TENM1: variants seen among roughly 807,000 people sequenced by gnomAD.
TENM1 encodes the protein teneurin transmembrane protein 1.
In TENM1, 35 loss-of-function variants were observed where a neutral mutation model predicts 174.8. That is an observed-to-expected ratio of 0.20 (90% CI 0.15 to 0.27). The LOEUF is 0.27. Among genes scored for constraint, TENM1 ranks in the 10% least tolerant of loss-of-function variants. The probability of loss-of-function intolerance (pLI) is 1.00; values close to 1 mark genes in which losing one functional copy is unlikely to be tolerated. For synonymous variants in TENM1, 781 were observed against 798.7 expected, an observed-to-expected ratio of 0.98 and a Z score of 0.37; for missense variants, 1,633 against 2,130.1, an observed-to-expected ratio of 0.77 and a Z score of 4.59.
At chrX:124,990,190 C>T in the TENM1 span, among the ~76,000 whole-genome samples, 108 of 110,223 alleles carry the variant, frequency 9.8e-4, no homozygotes, top group Non-Finnish European at 1.5e-3. Context: ...TTTTTTTTTC[C>T]TCTCCTGAGA....
intron 1 of TENM1, among the ~76,000 whole-genome samples, chrX:124,957,831 T>C (rs781684859): frequency 3.6e-5 from 4 of 111,809 alleles, no homozygotes; most frequent in East Asian, 2.8e-4. Context: ...TACCTCCTTT[T>C]TATGCATGGA....
intron 3 of TENM1, among the ~76,000 whole-genome samples, chrX:124,885,882 ACATT>A (rs2057376361): frequency 9.0e-6 from 1 of 111,544 alleles, no homozygotes; most frequent in South Asian, 3.8e-4. Context: ...TCAACTGCAC[ACATT>A]CAAATTGTGA....
At chrX:124,588,405 A>G (rs1193972652) in intron 11 of TENM1, among the ~76,000 whole-genome samples, 4 of 111,443 alleles carry the variant, frequency 3.6e-5, no homozygotes, top group African/African-American at 1.3e-4. Context: ...CGTGGATGAA[A>G]TTGGAAATCA....
intron 3 of TENM1, among the ~76,000 whole-genome samples, chrX:124,737,518 A>C (rs1316678014): frequency 8.9e-6 from 1 of 112,287 alleles, no homozygotes; most frequent in African/African-American, 3.2e-5. Context: ...ACAAGACACC[A>C]AGTTACAGAA....
the TENM1 span, among the ~76,000 whole-genome samples, chrX:125,168,993 G>GTGTGTGT: frequency 9.1e-6 from 1 of 109,598 alleles, no homozygotes; most frequent in African/African-American, 3.3e-5. Flanking sequence ...TGTGTGTGTG[G>GTGTGTGT]GTGTGTGTGT....
At chrX:124,810,200 G>A (rs2055727709) in intron 3 of TENM1, among the ~76,000 whole-genome samples, 1 of 111,647 alleles carries the variant, frequency 9.0e-6, no homozygotes, top group African/African-American at 3.3e-5. Context: ...ACATAGTACT[G>A]AAAATTCTAT....
At chrX:124,836,813 G>A (rs1186586585) in intron 3 of TENM1, among the ~76,000 whole-genome samples, 1 of 112,072 alleles carries the variant, frequency 8.9e-6, no homozygotes, top group Non-Finnish European at 1.9e-5. Flanking sequence ...ATCATTTCTT[G>A]GTTTGCTACT....
intron 23 of TENM1, among the ~76,000 whole-genome samples, chrX:124,437,993 G>A (rs767190953): frequency 1.8e-5 from 2 of 112,155 alleles, no homozygotes; most frequent in South Asian, 3.8e-4. Flanking sequence ...GCACTGATTC[G>A]TGCACTTTCC....
the TENM1 span, among the ~76,000 whole-genome samples, chrX:125,096,781 G>A: frequency 9.1e-6 from 1 of 110,092 alleles, no homozygotes; most frequent in African/African-American, 3.3e-5. Flanking sequence ...GTAATACTTG[G>A]TTATCCAGAC....
chrX:124,771,974 G>GTGTATGAATGTTAGT (rs1432035414), intron 3 of TENM1, among the ~76,000 whole-genome samples: 1 of 111,734 alleles, frequency 8.9e-6, no homozygotes, highest in Non-Finnish European at 1.9e-5. Context: ...ACTTTCAAAT[G>GTGTATGAATGTTAGT]CACTGTATGA....
intron 11 of TENM1, among the ~76,000 whole-genome samples, chrX:124,624,280 C>A (rs1290106844): frequency 1.8e-5 from 2 of 111,599 alleles, no homozygotes; most frequent in Non-Finnish European, 3.8e-5. Flanking sequence ...TATCTTCCCT[C>A]ACTGGGAATG....
At chrX:124,572,308 T>G (rs2049073192) in intron 11 of TENM1, among the ~76,000 whole-genome samples, 1 of 111,927 alleles carries the variant, frequency 8.9e-6, no homozygotes, top group South Asian at 3.7e-4. Context: ...CCATTTTACT[T>G]TCACACATTT....
chrX:125,120,782 TA>T, the TENM1 span, among the ~76,000 whole-genome samples: 1 of 111,458 alleles, frequency 9.0e-6, no homozygotes, highest in Non-Finnish European at 1.9e-5. Flanking sequence ...TATCACCAGT[TA>T]ATCCCACATC....
chrX:125,085,556 T>G, the TENM1 span, among the ~76,000 whole-genome samples: 1 of 111,246 alleles, frequency 9.0e-6, no homozygotes, highest in Non-Finnish European at 1.9e-5. Flanking sequence ...TCACAACACC[T>G]TCACAAAAAC....
At chrX:125,202,287 T>C in the TENM1 span, among the ~76,000 whole-genome samples, 1 of 112,054 alleles carries the variant, frequency 8.9e-6, no homozygotes, top group Admixed American at 9.4e-5. Flanking sequence ...AGTCTAAAAT[T>C]CAAGGAAGCT....
intron 11 of TENM1, among the ~76,000 whole-genome samples, chrX:124,604,973 C>T (rs1312869304): frequency 9.3e-6 from 1 of 107,296 alleles, no homozygotes; most frequent in African/African-American, 3.4e-5. Context: ...TGCCCTATTT[C>T]TGAAGAACAT....
At chrX:124,395,098 T>G (rs773950317) in intron 27 of TENM1, among the ~76,000 whole-genome samples, 2 of 111,745 alleles carry the variant, frequency 1.8e-5, no homozygotes, top group South Asian at 7.5e-4. Context: ...AAATTCATAC[T>G]CCCATTAGCT....
chrX:125,031,466 T>A, the TENM1 span, among the ~76,000 whole-genome samples: 2 of 111,892 alleles, frequency 1.8e-5, no homozygotes, highest in Non-Finnish European at 3.8e-5. Context: ...AAAAGATTGG[T>A]AACTGAATAA....
In TENM1 at chrX:124,429,035, G is replaced by A. The variant is rs759983317; in HGVS notation, c.4105-6397C>T. The stretch of plus-strand genomic sequence containing the variant: ...CTACTGTTTACTGAATGCCTGCTGG[G>A]TGTCAGGTACTTCATATGGTTTACC... On this transcript the variant is annotated intron_variant, in intron 23 of 31. Transcript: ENST00000422452. Among the ~76,000 whole-genome samples the A allele has an allele frequency of 2.7e-5, 3 of 111,946 alleles. No homozygotes were observed. In the East Asian group the frequency reaches 8.4e-4, roughly 31 times the overall value.
Sources: gnomAD v4.1 joint callset for allele counts (sites outside exome capture counted in the v4.1 genomes callset) on GRCh38, gnomAD v4.1.1 for gene constraint, MANE v1.5 for transcripts, NCBI Gene and HGNC (gene_info 2026-07-23, HGNC 2026-07-21) for gene names.